Variants in FXR2 observed in about 807,000 individuals in gnomAD.
FXR2 encodes the protein RNA-binding protein FXR2.
FXR2 carries 9 observed loss-of-function variants against 87.3 expected under a neutral mutation model. The observed-to-expected ratio is 0.10, with a 90% CI of 0.06 to 0.18. The LOEUF is 0.18. Among genes scored for constraint, FXR2 ranks in the 10% least tolerant of loss-of-function variants. The pLI is 1.00. For synonymous variants in FXR2, 331 were observed against 328.3 expected, an observed-to-expected ratio of 1.01 and a Z score of -0.09; for missense variants, 661 against 893.6, an observed-to-expected ratio of 0.74 and a Z score of 3.32.
At chr17:7,602,659 G>A (rs2071768085) in intron 6 of FXR2, 1 of 335,128 alleles carries the variant, frequency 3.0e-6, no homozygotes, top group Non-Finnish European at 5.5e-6. Flanking sequence ...AACCCGGGAG[G>A]TGGAGGTTGC....
Position 7,605,801 on chromosome 17 carries a change from A to C in FXR2, c.135-63T>G, listed in dbSNP as rs558131047. On this transcript the variant is annotated intron_variant, in intron 2 of 16. Transcript: ENST00000250113. ...CTGATATGGTTGCCCATTTCTTTACAAAAGGGTTATTGCCTCAGCTGGGCG... is the reference window on the plus strand; with the variant it reads ...CTGATATGGTTGCCCATTTCTTTACCAAAGGGTTATTGCCTCAGCTGGGCG... The C allele has an allele frequency of 6.1e-6, 6 of 977,846 alleles. No individual in the cohort carries two copies. In the African/African-American group the frequency reaches 6.4e-5, roughly 10 times the overall value. The allele number at this position is 977,846 out of a possible 1,614,324, so 60.6% of individuals were successfully genotyped here. A position where few individuals can be genotyped will look rare whatever the true frequency, so the allele number is the denominator to read the frequency against.
chr17:7,591,557 G>C lies in FXR2; in HGVS notation c.*273C>G, dbSNP rs1272855749. 9 of 441,640 alleles carry C rather than the reference G, an allele frequency of 2.0e-5. No individual in the cohort carries two copies. The highest frequency in any genetic ancestry group is 3.7e-5 in the Admixed American group (1 of 27,216). 27.4% of individuals were successfully genotyped at this position (441,640 alleles called of 1,614,324 possible). ...TGGAGAATGGGGGTGTTCAGAGAGA[G>C]ATTGGGGCATTAGAGGATAAAGGCA... is the stretch of plus-strand genomic sequence containing the variant. On this transcript the variant is annotated 3_prime_UTR_variant, in exon 17 of 17. Coordinates refer to ENST00000250113, the MANE Select transcript of FXR2 (RefSeq NM_004860.4). This position sits in a 1 kb window ranked among gnomAD's most constrained non-coding sequence, Gnocchi z 4.0.
At chr17:7,608,266 T>TA (rs2071820039) in intron 1 of FXR2, among the ~76,000 whole-genome samples, 1 of 151,824 alleles carries the variant, frequency 6.6e-6, no homozygotes, top group East Asian at 1.9e-4. Context: ...ATTTTTTACC[T>TA]AAAGATATCT....
chr17:7,607,970 TAA>T (rs2071817246), intron 1 of FXR2, among the ~76,000 whole-genome samples: 1 of 151,866 alleles, frequency 6.6e-6, no homozygotes, highest in African/African-American at 2.4e-5. Flanking sequence ...TCTGTATTTT[TAA>T]GAGAGACAGG....
In FXR2 at chr17:7,593,942, C is replaced by G; in HGVS notation, c.1083G>C (p.Leu361=). Residue 361 remains leucine, a synonymous_variant, in exon 11 of 17, where the codon CTG becomes CTC. Coordinates refer to ENST00000250113, the MANE Select transcript of FXR2 (RefSeq NM_004860.4). The surrounding 1 kb of genome is among the most constrained non-coding windows in gnomAD (Gnocchi z 6.1). The part of the protein sequence containing the change: ...RENISNAQAL[L]EYHLSYLQEV... ...CCTGCAGGTAGGAGAGGTGATACTCCAGCAAAGCCTGGGCATTGCTGATGT... is the reference window on the plus strand; with the variant it reads ...CCTGCAGGTAGGAGAGGTGATACTCGAGCAAAGCCTGGGCATTGCTGATGT... 1.2e-6 allele frequency: 2 copies of G among 1,611,076 alleles called. No homozygotes were observed. The highest frequency in any genetic ancestry group is 1.7e-6 in the Non-Finnish European group (2 of 1,177,234).
chr17:7,605,518 T>C, intron 3 of FXR2, 127 bp downstream of exon 3: 1 of 592,526 alleles, frequency 1.7e-6, no homozygotes, highest in South Asian at 2.3e-5. Flanking sequence ...TGTTGCATTT[T>C]ACATTTCCAT....
chr17:7,600,493 TA>T (rs1380858588), intron 7 of FXR2, among the ~76,000 whole-genome samples: 1 of 151,792 alleles, frequency 6.6e-6, no homozygotes, highest in Non-Finnish European at 1.5e-5. Context: ...GCGCCCACCC[TA>T]AAAAATAAAT....
At position 7,593,037 on chromosome 17, in the gene FXR2, G is replaced by T. The variant is rs1567747785; in HGVS notation, c.1475C>A (p.Pro492His). ...CGAAGTGGGCCGGGGGGCAGGTGGG[G>T]GTCCCCTACCCCGGCCCCCAGTCGG... ...RRPTGGRGRG[P>H]PPAPRPTSRY... The change falls in exon 13 of 17, where the codon CCC (proline) becomes CAC (histidine). Residue 492 changes from proline to histidine, a missense_variant. Coordinates refer to ENST00000250113, the MANE Select transcript of FXR2 (RefSeq NM_004860.4). This position sits in a 1 kb window ranked among gnomAD's most constrained non-coding sequence, Gnocchi z 6.1. 1 of 1,576,870 alleles carries T rather than the reference G, an allele frequency of 6.3e-7. No individual in the cohort carries two copies. The highest frequency in any genetic ancestry group is 8.6e-7 in the Non-Finnish European group (1 of 1,164,804).
chr17:7,610,645 C>T (rs2071855874), intron 1 of FXR2, among the ~76,000 whole-genome samples: 1 of 152,198 alleles, frequency 6.6e-6, no homozygotes, highest in South Asian at 2.1e-4. Context: ...TCCTAAATTC[C>T]ACCCATTCAT....
Position 7,592,682 on chromosome 17 carries a change from G to A in FXR2, c.1729+12C>T, listed in dbSNP as rs2150939779. Reference sequence around the variant, plus strand: ...CCATCTCTAACTTTCCAGACCCCAGGCACACCCTCACCCAGGCCATTCTCT... The same window carrying A: ...CCATCTCTAACTTTCCAGACCCCAGACACACCCTCACCCAGGCCATTCTCT... On this transcript the variant is annotated intron_variant, in intron 14 of 16. Transcript: ENST00000250113. The surrounding 1 kb of genome is among the most constrained non-coding windows in gnomAD (Gnocchi z 4.8). The A allele has an allele frequency of 6.2e-7, 1 of 1,613,320 alleles. No homozygotes were observed. The highest frequency in any genetic ancestry group is 8.5e-7 in the Non-Finnish European group (1 of 1,179,526).
chr17:7,595,790 TA>T lies in FXR2; in HGVS notation c.831+33del. ...TTCGGCCTCTCTTCCCTCTATCCCCTAAGAGACCCAGAAGAAAGACATCCTT... is the reference window on the plus strand; with the variant it reads ...TTCGGCCTCTCTTCCCTCTATCCCCTAGAGACCCAGAAGAAAGACATCCTT... On this transcript the variant is annotated intron_variant, in intron 8 of 16. Coordinates refer to ENST00000250113, the MANE Select transcript of FXR2 (RefSeq NM_004860.4). This position sits in a 1 kb window ranked among gnomAD's most constrained non-coding sequence, Gnocchi z 4.7. The T allele has an allele frequency of 1.9e-6, 3 of 1,585,928 alleles. No individual in the cohort carries two copies. The highest frequency in any genetic ancestry group is 2.6e-6 in the Non-Finnish European group (3 of 1,155,624).
Position 7,614,716 on chromosome 17 carries a change from C to T in FXR2, c.-184G>A. 3.5e-6 allele frequency: 1 copy of T among 287,996 alleles called. No homozygotes were observed. Among genetic ancestry groups the T allele is most frequent in the East Asian group, 6.2e-5 (1 of 16,176 alleles). The allele number at this position is 287,996 out of a possible 1,614,324, so 17.8% of individuals were successfully genotyped here. On this transcript the variant is annotated 5_prime_UTR_variant, in exon 1 of 17. Transcript: ENST00000250113. ...CGAGCAGGGGGCCGGGGCCGGGCCG[C>T]TCCCCGTCCGCCGCCGCCGCCTTGG...
intron 1 of FXR2, among the ~76,000 whole-genome samples, chr17:7,613,698 C>T (rs934425397): frequency 1.3e-5 from 2 of 152,140 alleles, no homozygotes; most frequent in Non-Finnish European, 2.9e-5. Flanking sequence ...TGCCTCAAGA[C>T]GAAGAAACTA....
chr17:7,604,304 C>A (rs1254272747), intron 3 of FXR2, among the ~76,000 whole-genome samples: 1 of 151,924 alleles, frequency 6.6e-6, no homozygotes, highest in African/African-American at 2.4e-5. Context: ...GTGGCTCAAG[C>A]TTATAATCCC....
At chr17:7,606,442 T>C (rs1463518641) in intron 1 of FXR2, among the ~76,000 whole-genome samples, 1 of 152,198 alleles carries the variant, frequency 6.6e-6, no homozygotes, top group Non-Finnish European at 1.5e-5. Context: ...CTGCCTCCTG[T>C]TGTGCTAAGC....
intron 1 of FXR2, among the ~76,000 whole-genome samples, chr17:7,608,436 A>T (rs577360123): frequency 5.6e-4 from 84 of 149,288 alleles, no homozygotes; most frequent in South Asian, 4.2e-3. Context: ...TACTAAAAAA[A>T]AAAAAAAATA....
chr17:7,596,756 TAATC>T (rs1347473572), intron 7 of FXR2, among the ~76,000 whole-genome samples: 2 of 152,218 alleles, frequency 1.3e-5, no homozygotes, highest in African/African-American at 4.8e-5. Context: ...ACTCTTACCT[TAATC>T]AAACAAATAT....
chr17:7,604,472 A>G (rs903152220), intron 3 of FXR2, among the ~76,000 whole-genome samples: 4 of 151,948 alleles, frequency 2.6e-5, no homozygotes, highest in Non-Finnish European at 5.9e-5. Context: ...TGGGCTGATC[A>G]CCTGAAGTCA....
rs2071931584 is a variant in FXR2 at position 7,614,753 on chromosome 17, G to A, written c.-221C>T. On this transcript the variant is annotated 5_prime_UTR_variant, in exon 1 of 17. The change creates a new upstream start codon in the 5' untranslated region. Coordinates refer to ENST00000250113, the MANE Select transcript of FXR2 (RefSeq NM_004860.4). ...CGCCGCCGCCTTGGTCTCCGCCACCGTGAGGGAAACGGCCGCCGCCGCCGC... is the reference window on the plus strand; with the variant it reads ...CGCCGCCGCCTTGGTCTCCGCCACCATGAGGGAAACGGCCGCCGCCGCCGC... 8.1e-6 allele frequency: 2 copies of A among 246,852 alleles called. No individual in the cohort carries two copies. Among genetic ancestry groups the A allele is most frequent in the Non-Finnish European group, 1.5e-5 (2 of 131,766 alleles). The allele number at this position is 246,852 out of a possible 1,614,324, so 15.3% of individuals were successfully genotyped here. A position where few individuals can be genotyped will look rare whatever the true frequency, so the allele number is the denominator to read the frequency against.
Sources: allele counts gnomAD v4.1 joint callset (sites outside exome capture counted in the v4.1 genomes callset), GRCh38; gene constraint gnomAD v4.1.1; non-coding constraint Gnocchi (gnomAD v3.1); transcripts MANE v1.5; gene names NCBI Gene and HGNC (gene_info 2026-07-23, HGNC 2026-07-21).